Variants in TRPM8 observed in about 807,000 individuals in gnomAD.
TRPM8 encodes TRPM8 cationic channel.
TRPM8 carries 110 observed loss-of-function variants against 133.7 expected under a neutral mutation model. That is an observed-to-expected ratio of 0.82 (90% CI 0.70 to 0.96). The LOEUF is 0.96. TRPM8 is among the 40% of genes least tolerant of loss of function. The pLI is 0.00. For synonymous variants in TRPM8, 535 were observed against 532.3 expected (o/e 1.01, Z -0.07); for missense variants, 1,291 against 1,379.5 (o/e 0.94, Z 1.02).
At chr2:233,965,066 T>A (rs1056189058) in intron 14 of TRPM8, among the ~76,000 whole-genome samples, 1 of 73,748 alleles carries the variant, frequency 1.4e-5, no homozygotes, top group Non-Finnish European at 3.1e-5. Context: ...GGGGGGGGGG[T>A]GTTTCTGGAT....
chr2:233,955,443 G>A (rs1691271089), intron 11 of TRPM8, 193 bp downstream of exon 11: 2 of 478,136 alleles, frequency 4.2e-6, no homozygotes, highest in South Asian at 3.2e-5. Flanking sequence ...TAGTAGGTTT[G>A]TTGTGAAGAG....
At chr2:234,008,228 T>TA (rs1241070602) in intron 24 of TRPM8, 125 bp downstream of exon 24, 3 of 967,428 alleles carry the variant, frequency 3.1e-6, no homozygotes, top group Non-Finnish European at 4.6e-6. Flanking sequence ...ATTCACTGTC[T>TA]AAGAGCAGGG....
intron 11 of TRPM8, among the ~76,000 whole-genome samples, chr2:233,958,117 T>C (rs1691336240): frequency 6.6e-6 from 1 of 152,224 alleles, no homozygotes; most frequent in Non-Finnish European, 1.5e-5. Flanking sequence ...GTCCACAACA[T>C]GGATGATCCC....
chr2:233,970,488 C>T (rs761554649), intron 17 of TRPM8, 62 bp downstream of exon 17: 15 of 1,487,428 alleles, frequency 1.0e-5, no homozygotes, highest in African/African-American at 1.4e-5. Context: ...CTTTCTAAAG[C>T]CAAGAGGAAT....
At chr2:233,974,886 ACAGAGAGAGAGAGAGG>A (rs1491398210) in intron 17 of TRPM8, among the ~76,000 whole-genome samples, 1 of 151,420 alleles carries the variant, frequency 6.6e-6, no homozygotes, top group Admixed American at 6.6e-5. Context: ...AGAGAGAGAG[ACAGAGAGAGAGAGAGG>A]CAGAGGAGAG....
chr2:233,927,836 CTT>C (rs1691575121), intron 2 of TRPM8, among the ~76,000 whole-genome samples: 1 of 79,672 alleles, frequency 1.3e-5, no homozygotes, highest in Non-Finnish European at 2.3e-5. Context: ...TCCTTCCTTC[CTT>C]CCTTCCTTCC....
chr2:233,955,805 T>G (rs1691280568), intron 11 of TRPM8, among the ~76,000 whole-genome samples: 1 of 152,150 alleles, frequency 6.6e-6, no homozygotes, highest in African/African-American at 2.4e-5. Context: ...AAGTGAGCAG[T>G]GGGCGAGCAA....
chr2:233,940,568 A>G (rs149371085), intron 5 of TRPM8, among the ~76,000 whole-genome samples: 1 of 152,350 alleles, frequency 6.6e-6, no homozygotes, highest in African/African-American at 2.4e-5. Context: ...GCCTCTTTCT[A>G]TGCAGATGAA....
In TRPM8 at chr2:233,980,794, A is replaced by T. The variant is rs79752792; in HGVS notation, c.2447+515A>T. The stretch of plus-strand genomic sequence containing the variant: ...TGTGGGATTAGAAAAACCAACCACA[A>T]ATTACCACCACAAAAACAATGTGTA... On this transcript the variant is annotated intron_variant, in intron 18 of 25. Coordinates refer to ENST00000324695, the MANE Select transcript of TRPM8 (RefSeq NM_024080.5). 5.1e-3 allele frequency among the ~76,000 whole-genome samples: 778 copies of T among 152,350 alleles called. 6 individuals are homozygous for T. Among genetic ancestry groups the T allele is most frequent in the African/African-American group, 0.018 (735 of 41,580 alleles).
At chr2:233,970,169 G>T in intron 16 of TRPM8, 41 bp from the exon 17 acceptor site, 1 of 1,574,302 alleles carries the variant, frequency 6.4e-7, no homozygotes, top group South Asian at 1.1e-5. Flanking sequence ...CCCGTCCCAT[G>T]CTTGCAAGGA....
intron 12 of TRPM8, among the ~76,000 whole-genome samples, chr2:233,961,795 A>G (rs994376093): frequency 1.3e-5 from 2 of 150,610 alleles, no homozygotes; most frequent in Non-Finnish European, 3.0e-5. Flanking sequence ...ATACCTGGCT[A>G]ATTTTTGTAT....
At chr2:233,942,832 T>C (rs1690944372) in intron 6 of TRPM8, 84 bp downstream of exon 6, 2 of 1,523,162 alleles carry the variant, frequency 1.3e-6, no homozygotes, top group Non-Finnish European at 1.8e-6. Context: ...CCTGGGGCTC[T>C]GTGATGGAGC....
chr2:233,925,720 G>C (rs4663985), intron 1 of TRPM8, among the ~76,000 whole-genome samples: 33,005 of 152,012 alleles, frequency 0.22, 5,525 homozygotes, highest in African/African-American at 0.47. Context: ...AGGGAGACAC[G>C]GTATGCAGGA....
At chr2:233,934,796 T>A (rs527608021) in intron 3 of TRPM8, among the ~76,000 whole-genome samples, 3 of 152,364 alleles carry the variant, frequency 2.0e-5, no homozygotes, top group South Asian at 4.1e-4. Context: ...TGGGAATCCA[T>A]CTGCTTCTGG....
At chr2:233,985,927 A>C (rs1355175936) in intron 21 of TRPM8, 62 bp downstream of exon 21, 2 of 1,492,918 alleles carry the variant, frequency 1.3e-6, no homozygotes, top group Non-Finnish European at 1.8e-6. Flanking sequence ...GCCAGGCTGG[A>C]GGTGCTGGGA....
rs1040593451 is a variant in TRPM8, at chr2:233,945,881, T to C, written c.725T>C (p.Met242Thr). The C allele has an allele frequency of 1.9e-6, 3 of 1,613,960 alleles. No homozygotes were observed. Among genetic ancestry groups the C allele is most frequent in the Non-Finnish European group, 2.5e-6 (3 of 1,179,952 alleles). Residue 242 changes from methionine to threonine, a missense_variant, in exon 7 of 26, where the codon ATG becomes ACG. Physicochemically the swap from Met to Thr is moderately conservative, Grantham distance 81. Coordinates refer to ENST00000324695, the MANE Select transcript of TRPM8 (RefSeq NM_024080.5). ...AEGYFLAQYL[M>T]DDFTRDPLYI... ...GGCTATTTTTTAGCCCAGTACCTTATGGATGACTTCACAAGAGATCCACTG... is the reference window on the plus strand; with the variant it reads ...GGCTATTTTTTAGCCCAGTACCTTACGGATGACTTCACAAGAGATCCACTG...
intron 21 of TRPM8, 110 bp downstream of exon 21, chr2:233,985,975 G>A: frequency 9.5e-7 from 1 of 1,051,958 alleles, no homozygotes. Context: ...ACATACTTTA[G>A]AGATCTTTTG....
At chr2:233,941,590 C>T (rs1266907932) in intron 5 of TRPM8, among the ~76,000 whole-genome samples, 1 of 152,180 alleles carries the variant, frequency 6.6e-6, no homozygotes, top group Non-Finnish European at 1.5e-5. Context: ...GCTTCTCTTA[C>T]AAGAGCTAAT....
At chr2:234,008,220 T>C in intron 24 of TRPM8, 117 bp downstream of exon 24, 1 of 1,047,002 alleles carries the variant, frequency 9.6e-7, no homozygotes, top group Non-Finnish European at 1.4e-6. Context: ...CTTTCTTAAT[T>C]CACTGTCTAA....
Sources: gnomAD v4.1 joint callset for allele counts (sites outside exome capture counted in the v4.1 genomes callset) on GRCh38, gnomAD v4.1.1 for gene constraint, MANE v1.5 for transcripts, NCBI Gene and HGNC (gene_info 2026-07-23, HGNC 2026-07-21) for gene names.